TWF1: variants seen among roughly 807,000 people sequenced by gnomAD.
TWF1 encodes the protein twinfilin-1.
In TWF1, 14 loss-of-function variants were observed where a neutral mutation model predicts 47.9. That is an observed-to-expected ratio of 0.29 (90% CI 0.19 to 0.46). The LOEUF is 0.46. Among genes scored for constraint, TWF1 ranks in the 20% least tolerant of loss-of-function variants. The pLI, the probability that TWF1 is intolerant of heterozygous loss-of-function variation, is 1.00. For missense variants in TWF1, 281 were observed against 409.3 expected (o/e 0.69, Z 2.70); for synonymous variants, 96 against 139.2 (o/e 0.69, Z 2.18).
chr12:43,799,480 T>C lies in TWF1; in HGVS notation c.401A>G (p.Tyr134Cys). The part of the protein sequence containing the change: ...TVKEDVSLHG[Y>C]KKYLLSQSSP... The stretch of plus-strand genomic sequence containing the variant: ...AGATTGTGACAGCAAGTATTTTTTA[T>C]ATCCATGTAATGATACATCTTCCTG... The change falls in exon 5 of 9, where the codon TAT becomes TGT. Residue 134 changes from tyrosine (Y) to cysteine (C), a missense_variant. Tyr to Cys is a radical substitution (Grantham distance 194). Coordinates refer to ENST00000395510, the MANE Select transcript of TWF1 (RefSeq NM_002822.5). 1 of 1,606,412 alleles carries C rather than the reference T, an allele frequency of 6.2e-7. No homozygotes were observed.
chr12:43,798,262 C>A (rs941164836), intron 5 of TWF1, among the ~76,000 whole-genome samples: 1 of 152,026 alleles, frequency 6.6e-6, no homozygotes, highest in Non-Finnish European at 1.5e-5. Flanking sequence ...GAAAGGAGTA[C>A]AAACAGTGTA....
intron 1 of TWF1, 63 bp downstream of exon 1, chr12:43,806,158 C>CCTCCCCGCT: frequency 6.5e-7 from 1 of 1,534,324 alleles, no homozygotes; most frequent in Non-Finnish European, 8.7e-7. Flanking sequence ...GTCCTGCAGC[C>CCTCCCCGCT]CTCCCGGCTC....
chr12:43,806,158 CCTCCCGGCT>C lies in TWF1; in HGVS notation c.25+54_25+62del, dbSNP rs71435960. The C allele has an allele frequency of 5.5e-5, 85 of 1,534,352 alleles. 1 individual carries two copies. Among genetic ancestry groups the C allele is most frequent in the Admixed American group, 5.3e-4 (27 of 50,820 alleles). On this transcript the variant is annotated intron_variant, in intron 1 of 8. Coordinates refer to ENST00000395510, the MANE Select transcript of TWF1 (RefSeq NM_002822.5). Reference sequence around the variant, plus strand: ...ACTCCAGCCCTGCCGGTCCTGCAGCCCTCCCGGCTCTCCCGGCTCTCCCGGAAGCCCCTT... The same window carrying C: ...ACTCCAGCCCTGCCGGTCCTGCAGCCCTCCCGGCTCTCCCGGAAGCCCCTT...
intron 3 of TWF1, among the ~76,000 whole-genome samples, chr12:43,800,882 C>T (rs1383131887): frequency 6.6e-6 from 1 of 152,042 alleles, no homozygotes; most frequent in African/African-American, 2.4e-5. Flanking sequence ...TCCCGAGTAG[C>T]TGGGATTATA....
At chr12:43,798,732 G>C in intron 5 of TWF1, 2 of 922,048 alleles carry the variant, frequency 2.2e-6, no homozygotes, top group Non-Finnish European at 3.1e-6. Flanking sequence ...CCATTCTCCA[G>C]ACTGATTCCT....
chr12:43,796,272 C>G (rs1449373156), intron 8 of TWF1, among the ~76,000 whole-genome samples: 2 of 152,094 alleles, frequency 1.3e-5, no homozygotes, highest in Non-Finnish European at 2.9e-5. Flanking sequence ...GTCAGCTGAT[C>G]CCTGCTATAG....
intron 8 of TWF1, among the ~76,000 whole-genome samples, chr12:43,796,549 T>C (rs553181003): frequency 1.3e-5 from 2 of 152,264 alleles, no homozygotes; most frequent in South Asian, 2.1e-4. Flanking sequence ...TCAGTCATAA[T>C]GGAGACTGTA....
rs1942678707 is a variant in TWF1, at chr12:43,802,463, C to T, written c.105G>A (p.Glu35=). ...GACTATATGATCCAATCACAAGTTGCTCTATGAAAAATTATTTTTAGAAAG... is the reference window on the plus strand; with the variant it reads ...GACTATATGATCCAATCACAAGTTGTTCTATGAAAAATTATTTTTAGAAAG... ...YRLLKISIEN[E]QLVIGSYSQP... is the part of the protein sequence containing the mutation. The change falls in exon 3 of 9, where the codon GAG becomes GAA. Residue 35 remains glutamate (E), a splice_region_variant and synonymous_variant. Coordinates refer to ENST00000395510, the MANE Select transcript of TWF1 (RefSeq NM_002822.5). 1.2e-6 allele frequency: 2 copies of T among 1,600,080 alleles called. No individual in the cohort carries two copies. The highest frequency in any genetic ancestry group is 2.7e-5 in the African/African-American group (2 of 73,954).
chr12:43,805,334 T>G (rs1308721857), intron 1 of TWF1, among the ~76,000 whole-genome samples: 1 of 152,244 alleles, frequency 6.6e-6, no homozygotes, highest in African/African-American at 2.4e-5. Context: ...GAGACTATTT[T>G]GCTTCTGCGT....
rs1266356607 is a variant in TWF1, at chr12:43,797,064, C to T, written c.794G>A (p.Ser265Asn). Residue 265 changes from serine (S) to asparagine (N), a missense_variant, in exon 8 of 9, where the codon AGT becomes AAT. By Grantham distance (46) the Ser-to-Asn change is conservative. Coordinates refer to ENST00000395510, the MANE Select transcript of TWF1 (RefSeq NM_002822.5). ...FIYSMPGYTCSIRERMLYSSC... is the reference protein window; with the variant it reads ...FIYSMPGYTCNIRERMLYSSC... ...AGAATACAGCATCCGCTCTCTTATA[C>T]TGCATGTGTATCCAGGCATTGAATA... is the stretch of plus-strand genomic sequence containing the variant. 2 of 1,606,932 alleles carry T rather than the reference C, an allele frequency of 1.2e-6. No homozygotes were observed. The highest frequency in any genetic ancestry group is 2.7e-5 in the African/African-American group (2 of 74,594).
Position 43,804,486 on chromosome 12 carries a change from T to C in TWF1, c.103+9A>G. ...AGGAACAGAAAATATTTTAAAATAT[T>C]TAACTAACCATTTTCAATAGATATT... On this transcript the variant is annotated intron_variant, in intron 2 of 8. Coordinates refer to ENST00000395510, the MANE Select transcript of TWF1 (RefSeq NM_002822.5). 1 of 1,550,184 alleles carries C rather than the reference T, an allele frequency of 6.5e-7. No individual in the cohort carries two copies. The highest frequency in any genetic ancestry group is 8.8e-7 in the Non-Finnish European group (1 of 1,133,196).
intron 2 of TWF1, among the ~76,000 whole-genome samples, chr12:43,803,974 T>G (rs1179424993): frequency 6.6e-6 from 1 of 152,158 alleles, no homozygotes; most frequent in Non-Finnish European, 1.5e-5. Flanking sequence ...GATTCCCTGT[T>G]TACAGAATTA....
intron 8 of TWF1, among the ~76,000 whole-genome samples, 198 bp from the exon 9 acceptor site, chr12:43,795,953 T>C (rs1376269374): frequency 6.6e-6 from 1 of 152,218 alleles, no homozygotes; most frequent in African/African-American, 2.4e-5. Flanking sequence ...CTACATTCAC[T>C]TCCTTCTTGG....
intron 4 of TWF1, 80 bp from the exon 5 acceptor site, chr12:43,799,582 C>A: frequency 3.0e-6 from 2 of 667,296 alleles, no homozygotes; most frequent in South Asian, 5.9e-5. Context: ...AAAACAAAAT[C>A]ATTAACAGAA....
chr12:43,798,905 A>G (rs555860860), intron 5 of TWF1, among the ~76,000 whole-genome samples: 1 of 152,220 alleles, frequency 6.6e-6, no homozygotes, highest in South Asian at 2.1e-4. Context: ...CTACAAAATA[A>G]TATGGCTGAA....
At position 43,806,209 on chromosome 12, in the gene TWF1, G is replaced by T; in HGVS notation, c.25+12C>A. ...AAGCCCCTTCCCTGCGAGTCGCGCC[G>T]GGCGCTGTTACCTTGGATGCCGGTC... On this transcript the variant is annotated intron_variant, in intron 1 of 8. Transcript: ENST00000395510. 12 of 1,540,184 alleles carry T rather than the reference G, an allele frequency of 7.8e-6. No homozygotes were observed. The highest frequency in any genetic ancestry group is 1.0e-5 in the Non-Finnish European group (12 of 1,144,530).
intron 2 of TWF1, chr12:43,804,167 G>A (rs547062303): frequency 3.1e-6 from 1 of 323,666 alleles, no homozygotes; most frequent in Non-Finnish European, 6.2e-6. Flanking sequence ...TTTTTTTTTT[G>A]ATAATCACCT....
chr12:43,803,873 ATTTT>A (rs562022543), intron 2 of TWF1, among the ~76,000 whole-genome samples: 84 of 152,126 alleles, frequency 5.5e-4, no homozygotes, highest in Non-Finnish European at 1.0e-3. Context: ...CCACTGGAAT[ATTTT>A]AATATATTCA....
At position 43,794,811 on chromosome 12, in the gene TWF1, T is replaced by C. The variant is rs999789978; in HGVS notation, c.*774A>G. On this transcript the variant is annotated 3_prime_UTR_variant, in exon 9 of 9. Transcript: ENST00000395510. ...GTATGGTTTTGGAGAAAAAAGTCAATCCTGATTTTTAAAACTCAACATTTT... is the reference window on the plus strand; with the variant it reads ...GTATGGTTTTGGAGAAAAAAGTCAACCCTGATTTTTAAAACTCAACATTTT... 6.6e-5 allele frequency: 10 copies of C among 152,122 alleles called. No individual in the cohort carries two copies. Among genetic ancestry groups the C allele is most frequent in the African/African-American group, 2.2e-4 (9 of 41,422 alleles). The allele number at this position is 152,122 out of a possible 1,614,324, so 9.4% of individuals were successfully genotyped here.
Sources: gnomAD v4.1 joint callset for allele counts (sites outside exome capture counted in the v4.1 genomes callset) on GRCh38, gnomAD v4.1.1 for gene constraint, MANE v1.5 for transcripts, NCBI Gene and HGNC (gene_info 2026-07-23, HGNC 2026-07-21) for gene names.